Variants in LYRM4 observed in about 807,000 individuals in gnomAD.
The protein encoded by LYRM4 is LYR motif containing 4.
Under a neutral mutation model 11.7 loss-of-function variants are expected in LYRM4, and 9 were observed. That is an observed-to-expected ratio of 0.77 (90% CI 0.46 to 1.34). The LOEUF (loss-of-function observed/expected upper bound fraction) is 1.34. Ranked by LOEUF, LYRM4 falls within the 40% of genes most tolerant of loss-of-function variation. The probability of loss-of-function intolerance (pLI) is 0.00; values close to 1 mark genes in which losing one functional copy is unlikely to be tolerated. For synonymous variants in LYRM4, 42 were observed against 40.4 expected (o/e 1.04, Z -0.15); for missense variants, 133 against 112.5 (o/e 1.18, Z -0.82).
Position 5,260,737 on chromosome 6 carries a change from G to GA in LYRM4, c.-5_-4insT. The GA allele has an allele frequency of 6.5e-7, 1 of 1,545,496 alleles. No homozygotes were observed. The highest frequency in any genetic ancestry group is 1.4e-5 in the African/African-American group (1 of 72,404). ...GTGCGCGACTGGAGGCTGCCATTTT[G>GA]GAAAGAAAAAAAAATAAACGGGTCC... On this transcript the variant is annotated 5_prime_UTR_variant, in exon 1 of 3. Coordinates refer to ENST00000330636, the MANE Select transcript of LYRM4 (RefSeq NM_020408.6).
chr6:5,085,820 AG>A, the LYRM4 span: 1 of 1,527,894 alleles, frequency 6.5e-7, no homozygotes, highest in Non-Finnish European at 8.8e-7. Flanking sequence ...CTGGGCGGCG[AG>A]GGGGCGGAGG....
the LYRM4 span, among the ~76,000 whole-genome samples, chr6:5,073,970 T>A: frequency 6.6e-6 from 1 of 151,948 alleles, no homozygotes; most frequent in African/African-American, 2.4e-5. Context: ...CACAGAAGCC[T>A]CTTGGAAGCC....
chr6:5,195,288 G>T (rs1040947969), intron 2 of LYRM4, among the ~76,000 whole-genome samples: 1 of 152,072 alleles, frequency 6.6e-6, no homozygotes, highest in Admixed American at 6.6e-5. Flanking sequence ...ACCTTCCCTT[G>T]CAGAGGGATG....
chr6:5,260,602 C>CCG, intron 1 of LYRM4, 46 bp downstream of exon 1: 100 of 1,203,524 alleles, frequency 8.3e-5, no homozygotes, highest in Non-Finnish European at 1.1e-4. Context: ...CCCCGGTCCC[C>CCG]GGCCCCTGGC....
At chr6:5,206,241 G>A (rs1193217475) in intron 2 of LYRM4, among the ~76,000 whole-genome samples, 1 of 152,200 alleles carries the variant, frequency 6.6e-6, no homozygotes, top group African/African-American at 2.4e-5. Context: ...AGGGACCTTA[G>A]AGATACACTG....
At chr6:5,257,136 G>C (rs992828043) in intron 1 of LYRM4, among the ~76,000 whole-genome samples, 1 of 152,072 alleles carries the variant, frequency 6.6e-6, no homozygotes, top group African/African-American at 2.4e-5. Context: ...ATGCAAATCT[G>C]GTCATGTCAG....
intron 1 of LYRM4, among the ~76,000 whole-genome samples, chr6:5,258,422 A>T (rs889926968): frequency 3.9e-5 from 6 of 152,226 alleles, no homozygotes; most frequent in African/African-American, 1.2e-4. Flanking sequence ...TACCTACCTC[A>T]CAAGATTATT....
chr6:5,230,786 G>A (rs1763190984), intron 1 of LYRM4, among the ~76,000 whole-genome samples: 1 of 152,090 alleles, frequency 6.6e-6, no homozygotes, highest in African/African-American at 2.4e-5. Context: ...ACAGCTATTA[G>A]TCACTGGCAA....
the LYRM4 span, among the ~76,000 whole-genome samples, chr6:5,038,925 AGAGGG>A: frequency 2.0e-4 from 2 of 9,846 alleles, 1 homozygote; most frequent in South Asian, 8.2e-3. Flanking sequence ...AGGGAGAGGG[AGAGGG>A]AGAGCTTTAG....
At chr6:5,048,841 A>C in the LYRM4 span, among the ~76,000 whole-genome samples, 1 of 152,192 alleles carries the variant, frequency 6.6e-6, no homozygotes, top group African/African-American at 2.4e-5. Context: ...TGAATGGGGC[A>C]ATGGGAAGGG....
chr6:5,245,235 A>G (rs1283487440), intron 1 of LYRM4, among the ~76,000 whole-genome samples: 1 of 145,026 alleles, frequency 6.9e-6, no homozygotes, highest in Admixed American at 7.0e-5. Flanking sequence ...CTGATCTTAA[A>G]ATTCTATGGG....
chr6:5,081,755 A>G, the LYRM4 span, among the ~76,000 whole-genome samples: 2 of 152,246 alleles, frequency 1.3e-5, no homozygotes, highest in South Asian at 2.1e-4. Flanking sequence ...TGTTTTTTAT[A>G]AAGAGTCCCT....
chr6:5,206,877 T>C (rs201517544), intron 2 of LYRM4, among the ~76,000 whole-genome samples: 1 of 3,684 alleles, frequency 2.7e-4, no homozygotes, highest in East Asian at 0.026. Flanking sequence ...GACCAATCCA[T>C]GTAACTGACC....
intron 2 of LYRM4, among the ~76,000 whole-genome samples, chr6:5,209,444 T>C (rs1019339469): frequency 1.3e-5 from 2 of 152,356 alleles, no homozygotes; most frequent in South Asian, 4.1e-4. Flanking sequence ...CAGCCTATTA[T>C]TACTTTTTAA....
At chr6:5,189,546 T>C (rs568810170) in intron 2 of LYRM4, among the ~76,000 whole-genome samples, 1 of 152,326 alleles carries the variant, frequency 6.6e-6, no homozygotes, top group South Asian at 2.1e-4. Context: ...CCTGGTGCTC[T>C]GACATGCATT....
the LYRM4 span, among the ~76,000 whole-genome samples, chr6:5,036,460 C>T: frequency 2.6e-5 from 4 of 152,190 alleles, no homozygotes; most frequent in African/African-American, 9.7e-5. Context: ...CAGCTGCCTC[C>T]GCTGAGCTGG....
At chr6:5,116,138 G>C (rs34240220) in intron 2 of LYRM4, among the ~76,000 whole-genome samples, 4 of 152,336 alleles carry the variant, frequency 2.6e-5, no homozygotes, top group Non-Finnish European at 4.4e-5. Flanking sequence ...AATCCGGAGA[G>C]ATGAGTGACT....
the LYRM4 span, among the ~76,000 whole-genome samples, chr6:5,050,433 G>A: frequency 1.3e-5 from 2 of 151,614 alleles, no homozygotes; most frequent in Non-Finnish European, 1.5e-5. Context: ...CAGCATTGCT[G>A]CAACCATCAT....
At chr6:5,224,909 G>A (rs1017823995) in intron 1 of LYRM4, among the ~76,000 whole-genome samples, 2 of 151,850 alleles carry the variant, frequency 1.3e-5, no homozygotes, top group Non-Finnish European at 2.9e-5. Flanking sequence ...GCAATGAGCC[G>A]AGATTGCGCC....
Sources: allele counts gnomAD v4.1 joint callset (sites outside exome capture counted in the v4.1 genomes callset), GRCh38; gene constraint gnomAD v4.1.1; transcripts MANE v1.5; gene names NCBI Gene and HGNC (gene_info 2026-07-23, HGNC 2026-07-21).